GOLGA4: variants seen among roughly 807,000 people sequenced by gnomAD.
The protein encoded by GOLGA4 is golgin A4, also known as golgin subfamily A member 4.
In GOLGA4, 169 loss-of-function variants were observed where a neutral mutation model predicts 265.9. The observed-to-expected ratio is 0.64, with a 90% CI of 0.56 to 0.72. GOLGA4 has a LOEUF of 0.72. GOLGA4 is among the 30% of genes least tolerant of loss of function. The probability of loss-of-function intolerance (pLI) is 0.00; values close to 1 mark genes in which losing one functional copy is unlikely to be tolerated. For synonymous variants in GOLGA4, 923 were observed against 855.8 expected (o/e 1.08, Z -1.37); for missense variants, 2,482 against 2,483.4 (o/e 1.00, Z 0.01).
At chr3:37,282,361 C>A in intron 3 of GOLGA4, 89 bp downstream of exon 3, 1 of 921,616 alleles carries the variant, frequency 1.1e-6, no homozygotes, top group Non-Finnish European at 1.7e-6. Context: ...CTGTGATTGG[C>A]TAAACTGTTA....
chr3:37,281,651 C>T lies in GOLGA4; in HGVS notation c.163-307C>T, dbSNP rs138720787. ...AATCCTCACAATACACCTGTGAGGT[C>T]GGCTGGGAAAGTACTGTGTTTTTCT... is the stretch of plus-strand genomic sequence containing the variant. On this transcript the variant is annotated intron_variant, in intron 2 of 23. Coordinates refer to ENST00000361924, the MANE Select transcript of GOLGA4 (RefSeq NM_002078.5). 4.0e-3 allele frequency among the ~76,000 whole-genome samples: 611 copies of T among 152,228 alleles called. 3 individuals carry two copies. The highest frequency in any genetic ancestry group is 9.4e-3 in the Admixed American group (144 of 15,282).
At chr3:37,359,716 G>A (rs2097099629) in intron 22 of GOLGA4, among the ~76,000 whole-genome samples, 1 of 151,562 alleles carries the variant, frequency 6.6e-6, no homozygotes, top group Admixed American at 6.6e-5. Context: ...TTCCCCTGTT[G>A]GAATTTTCAA....
intron 10 of GOLGA4, among the ~76,000 whole-genome samples, chr3:37,311,752 G>A (rs1454588203): frequency 1.3e-5 from 2 of 152,164 alleles, no homozygotes; most frequent in Non-Finnish European, 2.9e-5. Flanking sequence ...TACTTTCATT[G>A]TTGTATGATG....
At position 37,313,330 on chromosome 3, in the gene GOLGA4, T is replaced by G. The variant is rs187769881; in HGVS notation, c.1235-2090T>G. The G allele has an allele frequency of 2.6e-5, 4 of 152,380 alleles. No homozygotes were observed. In the East Asian group the frequency reaches 7.7e-4, roughly 29 times the overall value. The allele number at this position is 152,380 out of a possible 1,614,324, so 9.4% of individuals were successfully genotyped here. A position where few individuals can be genotyped will look rare whatever the true frequency, so the allele number is the denominator to read the frequency against. ...TGGCAATTTGCCTTTAATAAAATGC[T>G]TTAGAATAGATGTTTGTCTTCAAGT... On this transcript the variant is annotated intron_variant, in intron 10 of 23. Coordinates refer to ENST00000361924, the MANE Select transcript of GOLGA4 (RefSeq NM_002078.5).
At chr3:37,266,391 G>A (rs1302047107) in intron 2 of GOLGA4, among the ~76,000 whole-genome samples, 1 of 152,078 alleles carries the variant, frequency 6.6e-6, no homozygotes, top group Non-Finnish European at 1.5e-5. Context: ...GTGGATAAAG[G>A]GTTTCACCAT....
chr3:37,296,338 G>A, intron 7 of GOLGA4, 119 bp downstream of exon 7: 1 of 945,220 alleles, frequency 1.1e-6, no homozygotes, highest in Admixed American at 2.7e-5. Context: ...TTGAGTTCAG[G>A]AGTTTGAGAC....
Position 37,327,363 on chromosome 3 carries a change from A to G in GOLGA4, c.5477A>G (p.Gln1826Arg), listed in dbSNP as rs764818773. 3.5e-5 allele frequency: 56 copies of G among 1,613,748 alleles called. No homozygotes were observed. The highest frequency in any genetic ancestry group is 4.7e-5 in the Non-Finnish European group (55 of 1,179,782). The change falls in exon 14 of 24, where the codon CAG becomes CGG. Residue 1826 changes from glutamine (Q) to arginine (R), a missense_variant. By Grantham distance (43) the Gln-to-Arg change is conservative. Coordinates refer to ENST00000361924, the MANE Select transcript of GOLGA4 (RefSeq NM_002078.5). ...AAAGAAGGAGGTAAAAATAACATAC[A>G]GGCAAAGCAAAACTTGGAAAATGTG... is the stretch of plus-strand genomic sequence containing the variant. ...VEKEGGKNNI[Q>R]AKQNLENVFD...
intron 20 of GOLGA4, among the ~76,000 whole-genome samples, chr3:37,342,457 A>AT (rs2097039366): frequency 6.6e-6 from 1 of 151,846 alleles, no homozygotes. Flanking sequence ...CCCTCTCATC[A>AT]TTTTTACTGT....
At chr3:37,257,322 A>AT (rs2096751625) in intron 2 of GOLGA4, among the ~76,000 whole-genome samples, 1 of 152,106 alleles carries the variant, frequency 6.6e-6, no homozygotes. Flanking sequence ...AGTACCTGGA[A>AT]TAAGACCTGG....
intron 11 of GOLGA4, 136 bp from the exon 12 acceptor site, chr3:37,318,927 G>A: frequency 1.7e-6 from 1 of 579,600 alleles, no homozygotes. Flanking sequence ...TGCAGGAAAT[G>A]TGTTTTCTCT....
At chr3:37,317,180 T>A (rs1412630555) in intron 11 of GOLGA4, among the ~76,000 whole-genome samples, 1 of 152,214 alleles carries the variant, frequency 6.6e-6, no homozygotes, top group East Asian at 1.9e-4. Context: ...TCTTTTTCTT[T>A]CTTTTTTTGA....
intron 23 of GOLGA4, among the ~76,000 whole-genome samples, chr3:37,363,593 C>A (rs543873305): frequency 6.6e-6 from 1 of 152,122 alleles, no homozygotes; most frequent in Non-Finnish European, 1.5e-5. Context: ...AATTACTTGC[C>A]GACATGCTTG....
chr3:37,342,189 A>G (rs1299141245), intron 20 of GOLGA4, among the ~76,000 whole-genome samples: 1 of 152,084 alleles, frequency 6.6e-6, no homozygotes, highest in Non-Finnish European at 1.5e-5. Context: ...CTAAAAATAC[A>G]AAAAATTAGC....
intron 2 of GOLGA4, among the ~76,000 whole-genome samples, chr3:37,266,263 G>T (rs145444716): frequency 2.6e-3 from 390 of 152,070 alleles, no homozygotes; most frequent in Non-Finnish European, 4.3e-3. Context: ...GCAATGGCAC[G>T]ATCTCGGCTC....
chr3:37,273,670 A>G (rs1439319152), intron 2 of GOLGA4: 9 of 794,410 alleles, frequency 1.1e-5, no homozygotes, highest in East Asian at 2.7e-5. Context: ...TGTGTTAATT[A>G]TTAGCATCTG....
chr3:37,339,022 C>T lies in GOLGA4; in HGVS notation c.6397-1102C>T, dbSNP rs577186820. 2.4e-3 allele frequency among the ~76,000 whole-genome samples: 363 copies of T among 152,074 alleles called. 4 individuals carry two copies. The highest frequency in any genetic ancestry group is 5.8e-3 in the South Asian group (28 of 4,798). On this transcript the variant is annotated intron_variant, in intron 19 of 23. Coordinates refer to ENST00000361924, the MANE Select transcript of GOLGA4 (RefSeq NM_002078.5). ...GACTACAGGTGCCTGCCACCACGCC[C>T]GGCTAATTTTTTTGTATTTTTAGTA...
intron 17 of GOLGA4, among the ~76,000 whole-genome samples, chr3:37,336,538 A>G (rs1462424333): frequency 6.6e-6 from 1 of 151,912 alleles, no homozygotes; most frequent in East Asian, 1.9e-4. Context: ...AGGTGGGCAG[A>G]TCACCTGAGG....
At chr3:37,354,617 G>A (rs2097085217) in intron 21 of GOLGA4, among the ~76,000 whole-genome samples, 1 of 152,066 alleles carries the variant, frequency 6.6e-6, no homozygotes, top group Non-Finnish European at 1.5e-5. Context: ...TTAGGTTGAT[G>A]TGCTGCATGT....
At chr3:37,251,553 A>T in intron 2 of GOLGA4, 69 bp downstream of exon 2, 1 of 964,166 alleles carries the variant, frequency 1.0e-6, no homozygotes, top group Non-Finnish European at 1.6e-6. Flanking sequence ...GCTGTTGATA[A>T]CAAAATGGGA....
Sources: gnomAD v4.1 joint callset for allele counts (sites outside exome capture counted in the v4.1 genomes callset) on GRCh38, gnomAD v4.1.1 for gene constraint, MANE v1.5 for transcripts, NCBI Gene and HGNC (gene_info 2026-07-23, HGNC 2026-07-21) for gene names.